Variants in RAB6A observed in about 807,000 individuals in gnomAD.
The protein encoded by RAB6A is ras-related protein Rab-6A.
Under a neutral mutation model 32.3 loss-of-function variants are expected in RAB6A, and 8 were observed. The ratio of observed to expected loss-of-function variants is 0.25; its 90% CI spans 0.15 to 0.45. RAB6A has a LOEUF of 0.45. Among genes scored for constraint, RAB6A ranks in the 20% least tolerant of loss-of-function variants. The pLI is 1.00. For missense variants in RAB6A, 104 were observed against 249.4 expected, an observed-to-expected ratio of 0.42 and a Z score of 3.93; for synonymous variants, 73 against 82.1, an observed-to-expected ratio of 0.89 and a Z score of 0.60.
chr11:73,678,056 G>A, intron 7 of RAB6A, 94 bp from the exon 8 acceptor site: 1 of 1,275,904 alleles, frequency 7.8e-7, no homozygotes, highest in Non-Finnish European at 1.1e-6. Context: ...ATTCCTATCT[G>A]TCTTCAGAGC....
chr11:73,718,817 G>C (rs1315883539), intron 3 of RAB6A, 99 bp from the exon 4 acceptor site: 4 of 1,611,608 alleles, frequency 2.5e-6, no homozygotes, highest in Non-Finnish European at 3.4e-6. Context: ...AGCTGCAGCA[G>C]AATCACGGAT....
intron 5 of RAB6A, among the ~76,000 whole-genome samples, chr11:73,710,107 C>G (rs1945927123): frequency 6.9e-6 from 1 of 144,240 alleles, no homozygotes; most frequent in Non-Finnish European, 1.5e-5. Context: ...TACAGGCTCC[C>G]GCCACCACAC....
intron 1 of RAB6A, among the ~76,000 whole-genome samples, chr11:73,742,038 T>C (rs556075023): frequency 2.0e-5 from 3 of 151,808 alleles, no homozygotes; most frequent in Middle Eastern, 3.4e-3. Context: ...TTCCAGCACG[T>C]TGGGAGGCTG....
At chr11:73,709,862 TATATACAC>T (rs1945916152) in intron 5 of RAB6A, among the ~76,000 whole-genome samples, 1 of 147,152 alleles carries the variant, frequency 6.8e-6, no homozygotes, top group Non-Finnish European at 1.5e-5. Context: ...CATATATACA[TATATACAC>T]ATATACATAC....
chr11:73,718,840 G>A (rs61758773), intron 3 of RAB6A, 122 bp from the exon 4 acceptor site: 1 of 1,613,202 alleles, frequency 6.2e-7, no homozygotes, highest in African/African-American at 1.3e-5. Flanking sequence ...AACTGGGAAT[G>A]AGGCTACGGA....
intron 6 of RAB6A, among the ~76,000 whole-genome samples, chr11:73,684,667 C>T (rs531973798): frequency 3.3e-5 from 5 of 152,302 alleles, no homozygotes; most frequent in Middle Eastern, 3.4e-3. Context: ...ATGATTTTAA[C>T]ACCTGGCCAT....
Position 73,722,329 on chromosome 11 carries a change from A to T in RAB6A, c.130-1430T>A, listed in dbSNP as rs1946149698. The T allele has an allele frequency of 1.3e-3, 21 of 15,992 alleles. 1 individual carries two copies. Among genetic ancestry groups the T allele is most frequent in the African/African-American group, 4.4e-3 (17 of 3,876 alleles). The allele number at this position is 15,992 out of a possible 1,614,324, so 1.0% of individuals were successfully genotyped here. On this transcript the variant is annotated intron_variant, in intron 2 of 7. Coordinates refer to ENST00000336083, the MANE Select transcript of RAB6A (RefSeq NM_198896.2). Reference sequence around the variant, plus strand: ...TGTATATATATATATATATATATATATATATATATATATATTTTTTTTTTT... The same window carrying T: ...TGTATATATATATATATATATATATTTATATATATATATATTTTTTTTTTT...
At chr11:73,760,458 G>C in intron 1 of RAB6A, 108 bp downstream of exon 1, 2 of 1,405,154 alleles carry the variant, frequency 1.4e-6, no homozygotes, top group Non-Finnish European at 1.9e-6. Flanking sequence ...GTGGCAACGA[G>C]CGCGGACGCG....
At chr11:73,711,108 G>T (rs1054732571) in intron 5 of RAB6A, among the ~76,000 whole-genome samples, 3 of 152,078 alleles carry the variant, frequency 2.0e-5, no homozygotes, top group African/African-American at 7.2e-5. Context: ...TGAAGCAGTG[G>T]CTTCCCTTCA....
intron 6 of RAB6A, among the ~76,000 whole-genome samples, chr11:73,701,688 C>G (rs1463536076): frequency 3.9e-5 from 6 of 152,156 alleles, no homozygotes. Context: ...GGGTCTTGCT[C>G]TATTGCTCAG....
intron 6 of RAB6A, among the ~76,000 whole-genome samples, chr11:73,682,351 G>A (rs1163732563): frequency 6.6e-6 from 1 of 152,190 alleles, no homozygotes; most frequent in African/African-American, 2.4e-5. Context: ...GACTGTGAAA[G>A]CTGTTAATTT....
At chr11:73,705,887 G>C (rs1278643415) in intron 6 of RAB6A, among the ~76,000 whole-genome samples, 4 of 151,994 alleles carry the variant, frequency 2.6e-5, no homozygotes, top group Admixed American at 6.6e-5. Context: ...AGGTGTCACA[G>C]ACAGGAGGTA....
At chr11:73,678,527 G>A (rs185982492) in intron 7 of RAB6A, among the ~76,000 whole-genome samples, 24 of 148,888 alleles carry the variant, frequency 1.6e-4, no homozygotes, top group Middle Eastern at 6.8e-3. Context: ...TGAGGCAGGA[G>A]AATCACTTGA....
At chr11:73,714,803 T>C (rs993968177) in intron 5 of RAB6A, among the ~76,000 whole-genome samples, 2 of 150,714 alleles carry the variant, frequency 1.3e-5, no homozygotes, top group African/African-American at 2.4e-5. Context: ...CCGTCTCTAC[T>C]AAAAATACAA....
intron 1 of RAB6A, among the ~76,000 whole-genome samples, chr11:73,734,450 A>G (rs1317500806): frequency 6.6e-6 from 1 of 152,022 alleles, no homozygotes; most frequent in Admixed American, 6.6e-5. Context: ...AATAGTGAGA[A>G]AAAAAAATGG....
intron 1 of RAB6A, among the ~76,000 whole-genome samples, chr11:73,733,470 A>T (rs1590874603): frequency 6.6e-6 from 1 of 151,566 alleles, no homozygotes; most frequent in Non-Finnish European, 1.5e-5. Flanking sequence ...AATCGTTTGA[A>T]CCCAGGAGGT....
intron 6 of RAB6A, among the ~76,000 whole-genome samples, chr11:73,700,254 C>A (rs749732945): frequency 7.9e-5 from 12 of 152,088 alleles, no homozygotes; most frequent in Non-Finnish European, 1.6e-4. Context: ...ATTTCTTCAG[C>A]AATTTAAACA....
chr11:73,701,562 G>A (rs539382160), intron 6 of RAB6A, among the ~76,000 whole-genome samples: 1 of 152,314 alleles, frequency 6.6e-6, no homozygotes, highest in South Asian at 2.1e-4. Context: ...TTTAGCTTTG[G>A]TAATAGCAGA....
chr11:73,744,830 C>A (rs1946559484), intron 1 of RAB6A, among the ~76,000 whole-genome samples: 1 of 151,914 alleles, frequency 6.6e-6, no homozygotes, highest in Non-Finnish European at 1.5e-5. Flanking sequence ...CAAAAATTAG[C>A]TGGGCATGGT....
Sources: gnomAD v4.1 joint callset for allele counts (sites outside exome capture counted in the v4.1 genomes callset) on GRCh38, gnomAD v4.1.1 for gene constraint, MANE v1.5 for transcripts, NCBI Gene and HGNC (gene_info 2026-07-23, HGNC 2026-07-21) for gene names.